BDP1: variants seen among roughly 807,000 people sequenced by gnomAD.
BDP1 encodes the protein BDP1 general transcription factor IIIB subunit, also known as transcription factor TFIIIB component B'' homolog.
In BDP1, 169 loss-of-function variants were observed where a neutral mutation model predicts 266.6. That is an observed-to-expected ratio of 0.63 (90% CI 0.56 to 0.72). The LOEUF (loss-of-function observed/expected upper bound fraction) is 0.72. Among genes scored for constraint, BDP1 ranks in the 30% least tolerant of loss-of-function variants. The pLI is 0.00. For missense variants in BDP1, 3,015 were observed against 3,053.8 expected (o/e 0.99, Z 0.30); for synonymous variants, 1,090 against 1,022.4 (o/e 1.07, Z -1.26).
chr5:71,553,213 G>C lies in BDP1; in HGVS notation c.7093G>C (p.Val2365Leu). ...SKKPPDNLDL[V>L]SRKRFQCRLD... ...AAAGCCGCCTGATAATTTGGATCTT[G>C]TATCTAGGAAGAGATTTCAATGCAG... is the stretch of plus-strand genomic sequence containing the variant. Residue 2365 changes from valine (V) to leucine (L), a missense_variant, in exon 35 of 39, where the codon GTA (valine) becomes CTA (leucine). Physicochemically the swap from Val to Leu is conservative, Grantham distance 32. This residue lies in a region of BDP1 where 629 missense variants were observed against 632.5 expected (regional missense o/e 0.99). Coordinates refer to ENST00000358731, the MANE Select transcript of BDP1 (RefSeq NM_018429.3). 6.2e-7 allele frequency: 1 copy of C among 1,613,298 alleles called. No individual in the cohort carries two copies. The highest frequency in any genetic ancestry group is 8.5e-7 in the Non-Finnish European group (1 of 1,179,862).
Position 71,486,618 on chromosome 5 carries a change from A to C in BDP1, c.1204A>C (p.Asn402His). The C allele has an allele frequency of 6.6e-7, 1 of 1,524,764 alleles. No individual in the cohort carries two copies. The highest frequency in any genetic ancestry group is 1.3e-5 in the South Asian group (1 of 76,188). The allele number at this position is 1,524,764 out of a possible 1,614,324, so 94.5% of individuals were successfully genotyped here. Residue 402 changes from asparagine (N) to histidine (H), a missense_variant, in exon 9 of 39, where the codon AAT becomes CAT. This residue lies in a region of BDP1 where 2,383 missense variants were observed against 2,404.9 expected (regional missense o/e 0.99). Transcript: ENST00000358731. Reference sequence around the variant, plus strand: ...GAAGAAATCCACCAAACCACGGAAAAATGTAAAAGGTATTGATTTTAAAAG... The same window carrying C: ...GAAGAAATCCACCAAACCACGGAAACATGTAAAAGGTATTGATTTTAAAAG... ...KEKKSTKPRK[N>H]VKVKKVACEG...
At position 71,512,444 on chromosome 5, in the gene BDP1, T is replaced by C; in HGVS notation, c.4247+16T>C. 1 of 1,472,878 alleles carries C rather than the reference T, an allele frequency of 6.8e-7. No homozygotes were observed. The highest frequency in any genetic ancestry group is 9.0e-7 in the Non-Finnish European group (1 of 1,107,842). The allele number at this position is 1,472,878 out of a possible 1,614,324, so 91.2% of individuals were successfully genotyped here. On this transcript the variant is annotated intron_variant, in intron 18 of 38. Transcript: ENST00000358731. ...TTAATTTAAGGTACAAGTGTGTTTT[T>C]AAAGAAAAAGATATTAAGTTATAGT...
chr5:71,472,111 T>C (rs1762284449), intron 7 of BDP1, among the ~76,000 whole-genome samples: 1 of 152,234 alleles, frequency 6.6e-6, no homozygotes, highest in Admixed American at 6.5e-5. Flanking sequence ...AAATCATGTA[T>C]ATTCTTTTCC....
intron 23 of BDP1, 84 bp from the exon 24 acceptor site, chr5:71,522,672 A>T: frequency 7.5e-7 from 1 of 1,336,444 alleles, no homozygotes; most frequent in Non-Finnish European, 1.0e-6. Context: ...GTGTAAACTT[A>T]GAGGTTTAGG....
At chr5:71,485,847 C>T (rs1314395292) in intron 8 of BDP1, among the ~76,000 whole-genome samples, 1 of 152,152 alleles carries the variant, frequency 6.6e-6, no homozygotes, top group East Asian at 1.9e-4. Flanking sequence ...AAGGACTTCT[C>T]AGTCCATAAA....
intron 11 of BDP1, among the ~76,000 whole-genome samples, chr5:71,491,805 C>T (rs1172001626): frequency 1.3e-5 from 2 of 152,168 alleles, no homozygotes; most frequent in African/African-American, 4.8e-5. Flanking sequence ...GCAACTTCCA[C>T]CTCCCAGGCT....
intron 7 of BDP1, among the ~76,000 whole-genome samples, chr5:71,472,888 CTTTTTTTTTTTT>C (rs57109617): frequency 1.9e-5 from 1 of 53,944 alleles, no homozygotes; most frequent in South Asian, 8.9e-4. Flanking sequence ...CTCTCTCTCT[CTTTTTTTTTTTT>C]TTTTTTTTTT....
chr5:71,543,756 G>A (rs538447830), intron 30 of BDP1, among the ~76,000 whole-genome samples: 2 of 152,148 alleles, frequency 1.3e-5, no homozygotes, highest in African/African-American at 4.8e-5. Context: ...AAGCAATTCA[G>A]CTTTTTCTTA....
intron 19 of BDP1, among the ~76,000 whole-genome samples, chr5:71,514,556 A>G (rs1765118683): frequency 6.6e-6 from 1 of 152,162 alleles, no homozygotes; most frequent in South Asian, 2.1e-4. Context: ...TGATTTTTCC[A>G]CTTACAGTAT....
intron 13 of BDP1, among the ~76,000 whole-genome samples, chr5:71,500,656 T>A (rs1468688295): frequency 6.6e-6 from 1 of 152,196 alleles, no homozygotes; most frequent in Non-Finnish European, 1.5e-5. Context: ...ATTTCATTAT[T>A]CCCTTGCAAC....
chr5:71,504,772 A>G (rs755627253), intron 16 of BDP1, 21 bp downstream of exon 16: 16 of 1,603,476 alleles, frequency 1.0e-5, no homozygotes, highest in Non-Finnish European at 1.3e-5. Flanking sequence ...TTTTGTTGAT[A>G]TATAATCTTT....
chr5:71,485,133 T>C (rs1763186617), intron 8 of BDP1, among the ~76,000 whole-genome samples: 1 of 152,230 alleles, frequency 6.6e-6, no homozygotes, highest in South Asian at 2.1e-4. Flanking sequence ...TAGACTATTA[T>C]AATAGATATT....
At chr5:71,526,237 G>A (rs1262085806) in intron 25 of BDP1, among the ~76,000 whole-genome samples, 1 of 152,164 alleles carries the variant, frequency 6.6e-6, no homozygotes, top group Non-Finnish European at 1.5e-5. Flanking sequence ...AGGAGCTGGA[G>A]ACCAGCCCAG....
At chr5:71,568,250 G>A (rs1423405025), downstream of BDP1, among the ~76,000 whole-genome samples, 1 of 152,170 alleles carries the variant, frequency 6.6e-6, no homozygotes, top group East Asian at 1.9e-4. Context: ...ACTCCACACA[G>A]CATCTCTGTT....
rs142464289 is a variant in BDP1 at position 71,490,995 on chromosome 5, G to C, written c.1504G>C (p.Ala502Pro). The C allele has an allele frequency of 3.4e-5, 54 of 1,604,482 alleles. No homozygotes were observed. In the African/African-American group the frequency reaches 6.2e-4, roughly 18 times the overall value. ...KGEKHKNKCQ[A>P]IRPELKEGEC... ...TTTTGTATTTGTAGATAAATGTCAGGCTATAAGGCCTGAGCTAAAGGAAGG... is the reference window on the plus strand; with the variant it reads ...TTTTGTATTTGTAGATAAATGTCAGCCTATAAGGCCTGAGCTAAAGGAAGG... Residue 502 changes from alanine to proline, a missense_variant, in exon 11 of 39, where the codon GCT becomes CCT. Transcript: ENST00000358731.
At position 71,524,218 on chromosome 5, in the gene BDP1, C is replaced by G. The variant is rs1289546328; in HGVS notation, c.5667C>G (p.Ser1889Arg). Reference protein sequence around the residue: ...DDFESDYEEESYHLAPEEVNK... With the variant: ...DDFESDYEEERYHLAPEEVNK... ...TTGAGTCTGACTATGAGGAAGAAAG[C>G]TATCATCTTGCTCCCGAAGAAGTAA... Residue 1889 changes from serine (S) to arginine (R), a missense_variant, in exon 25 of 39, where the codon AGC (serine) becomes AGG (arginine). Physicochemically the swap from Ser to Arg is moderately radical, Grantham distance 110 (BLOSUM62 -1). This residue lies in a region of BDP1 where 2,383 missense variants were observed against 2,404.9 expected (regional missense o/e 0.99). Transcript: ENST00000358731. 1 of 1,614,182 alleles carries G rather than the reference C, an allele frequency of 6.2e-7. No homozygotes were observed. The highest frequency in any genetic ancestry group is 1.7e-5 in the Admixed American group (1 of 60,020).
At chr5:71,560,881 A>C (rs115856000) in intron 37 of BDP1, among the ~76,000 whole-genome samples, 2 of 152,178 alleles carry the variant, frequency 1.3e-5, no homozygotes, top group African/African-American at 4.8e-5. Flanking sequence ...TAATAGATCT[A>C]TTGTTTTTGT....
At chr5:71,511,563 CT>C (rs1764922068) in intron 17 of BDP1, among the ~76,000 whole-genome samples, 1 of 152,174 alleles carries the variant, frequency 6.6e-6, no homozygotes, top group Non-Finnish European at 1.5e-5. Flanking sequence ...GAGAGGATCA[CT>C]TGAACCCTGG....
In BDP1 at chr5:71,542,281, T is replaced by G; in HGVS notation, c.6412+16T>G. 1 of 1,578,524 alleles carries G rather than the reference T, an allele frequency of 6.3e-7. No individual in the cohort carries two copies. ...ACTCAAAGAGGTAAATTTTATTCTC[T>G]TAATATGTTGCAAAATCATTTTGAC... is the stretch of plus-strand genomic sequence containing the variant. On this transcript the variant is annotated intron_variant, in intron 30 of 38. Transcript: ENST00000358731.
Sources: gnomAD v4.1 joint callset for allele counts (sites outside exome capture counted in the v4.1 genomes callset) on GRCh38, gnomAD v4.1.1 for gene constraint, gnomAD v4.1.1 regional missense constraint, MANE v1.5 for transcripts, NCBI Gene and HGNC (gene_info 2026-07-23, HGNC 2026-07-21) for gene names.